The following RBM10 variants were observed in gnomAD, a reference collection of about 807,000 sequenced individuals.
The protein encoded by RBM10 is RNA binding motif protein 10.
A neutral mutation model predicts 84.9 loss-of-function variants in RBM10; 1 was observed. The observed-to-expected ratio is 0.01, with a 90% confidence interval of 0.00 to 0.06. RBM10 has a LOEUF of 0.06. RBM10 is among the 10% of genes least tolerant of loss of function. The pLI is 1.00. For missense variants in RBM10, 438 were observed against 839.0 expected (o/e 0.52, Z 5.90); for synonymous variants, 326 against 344.5 (o/e 0.95, Z 0.60).
At chrX:47,165,532 A>G (rs1934111927) in intron 2 of RBM10, among the ~76,000 whole-genome samples, 1 of 78,014 alleles carries the variant, frequency 1.3e-5, no homozygotes, top group African/African-American at 4.9e-5. Flanking sequence ...AAAAAAAAAA[A>G]AAGAGGCTGG....
intron 6 of RBM10, among the ~76,000 whole-genome samples, chrX:47,175,412 C>T (rs1935061131): frequency 9.0e-6 from 1 of 110,717 alleles, no homozygotes; most frequent in South Asian, 3.9e-4. Flanking sequence ...TTCCCACTCC[C>T]CCGGGGCTGG....
intron 3 of RBM10, among the ~76,000 whole-genome samples, chrX:47,170,789 C>G (rs1934588402): frequency 8.9e-6 from 1 of 112,258 alleles, no homozygotes; most frequent in African/African-American, 3.2e-5. Flanking sequence ...CACACCAATA[C>G]TGTCACCTAC....
At chrX:47,178,983 T>A in intron 7 of RBM10, 120 bp from the exon 8 acceptor site, 1 of 1,156,532 alleles carries the variant, frequency 8.6e-7, no homozygotes. Context: ...CCTGCCACCA[T>A]TGCCTAGGGG....
intron 2 of RBM10, chrX:47,158,055 C>A: frequency 5.5e-6 from 1 of 180,777 alleles, no homozygotes; most frequent in Non-Finnish European, 1.0e-5. Flanking sequence ...GGATTACAGG[C>A]GTGAGCCACC....
chrX:47,154,432 C>CTTTTT (rs55657679), intron 2 of RBM10, among the ~76,000 whole-genome samples: 2 of 100,012 alleles, frequency 2.0e-5, no homozygotes, highest in African/African-American at 3.7e-5. Context: ...ATTTTTTTTC[C>CTTTTT]TTTTTTTTTT....
At position 47,175,109 on chromosome X, in the gene RBM10, T is replaced by TGGGGGGGGGGGGGGGGGGG; in HGVS notation, c.576+18_576+19insGGGGGGGGGGGGGGGGGGG. ...GCCAATCAGGTTGCTTTGCCGCACT[T>TGGGGGGGGGGGGGGGGGGG]GAACCCCCCCCCAAACAAATACTAC... On this transcript the variant is annotated intron_variant, in intron 6 of 23. Transcript: ENST00000377604. 2 of 1,183,034 alleles carry TGGGGGGGGGGGGGGGGGGG rather than the reference T, an allele frequency of 1.7e-6. No individual in the cohort carries two copies. Among genetic ancestry groups the TGGGGGGGGGGGGGGGGGGG allele is most frequent in the African/African-American group, 1.8e-5 (1 of 56,309 alleles).
chrX:47,186,579 C>G lies in RBM10; in HGVS notation c.2773C>G (p.Arg925Gly). The change falls in exon 24 of 24, where the codon CGC becomes GGC. Residue 925 changes from arginine to glycine, a missense_variant. This residue lies in a region of RBM10 where 92 missense variants were observed against 199.9 expected (regional missense o/e 0.46). Coordinates refer to ENST00000377604, the MANE Select transcript of RBM10 (RefSeq NM_005676.5). ...KETLHKTMVT[R>G]FNEAQ ...GACACTGCACAAGACAATGGTGACCCGCTTCAACGAGGCCCAGTGAGCAGC... is the reference window on the plus strand; with the variant it reads ...GACACTGCACAAGACAATGGTGACCGGCTTCAACGAGGCCCAGTGAGCAGC... The G allele has an allele frequency of 8.3e-7, 1 of 1,211,749 alleles. No individual in the cohort carries two copies. The highest frequency in any genetic ancestry group is 1.1e-6 in the Non-Finnish European group (1 of 895,472).
chrX:47,145,653 T>C, intron 1 of RBM10, 168 bp downstream of exon 1: 1 of 487,681 alleles, frequency 2.1e-6, no homozygotes, highest in Non-Finnish European at 3.0e-6. Context: ...TTTTTTTTTT[T>C]TTTTTTTTTG....
At chrX:47,168,553 A>G (rs961659966) in intron 2 of RBM10, among the ~76,000 whole-genome samples, 2 of 111,383 alleles carry the variant, frequency 1.8e-5, no homozygotes. Context: ...TTCTCAAAAA[A>G]AAAAGAAAAG....
intron 2 of RBM10, among the ~76,000 whole-genome samples, chrX:47,159,396 G>C (rs782249303): frequency 6.6e-5 from 6 of 90,305 alleles, no homozygotes; most frequent in Non-Finnish European, 1.3e-4. Context: ...CAACAAGAGC[G>C]AAACTCCGTC....
chrX:47,178,516 A>C (rs922881302), intron 7 of RBM10, among the ~76,000 whole-genome samples: 2 of 112,123 alleles, frequency 1.8e-5, no homozygotes, highest in Admixed American at 1.9e-4. Context: ...GAGGGCAGAG[A>C]CCATGTTCTG....
intron 2 of RBM10, among the ~76,000 whole-genome samples, chrX:47,152,045 C>T (rs1932808380): frequency 9.0e-6 from 1 of 110,696 alleles, no homozygotes; most frequent in African/African-American, 3.3e-5. Context: ...AACCTCATTT[C>T]TACTAAAAAT....
intron 2 of RBM10, among the ~76,000 whole-genome samples, chrX:47,155,812 CTT>C (rs1304134924): frequency 3.7e-5 from 3 of 80,824 alleles, no homozygotes; most frequent in Non-Finnish European, 2.4e-5. Context: ...TTCTTTCTTT[CTT>C]TTTTTTTTTT....
At chrX:47,166,358 T>C (rs1934199811) in intron 2 of RBM10, among the ~76,000 whole-genome samples, 1 of 111,831 alleles carries the variant, frequency 8.9e-6, no homozygotes, top group Admixed American at 9.5e-5. Flanking sequence ...TAAGCTATGA[T>C]TGCACCACTG....
At chrX:47,183,524 A>AAT (rs1485477401) in intron 17 of RBM10, among the ~76,000 whole-genome samples, 4 of 107,845 alleles carry the variant, frequency 3.7e-5, no homozygotes, top group Non-Finnish European at 5.7e-5. Context: ...TCCTTCTCAA[A>AAT]ATATATATAT....
chrX:47,185,650 A>C lies in RBM10; in HGVS notation c.2355+20A>C, dbSNP rs1935851064. 2 of 1,206,918 alleles carry C rather than the reference A, an allele frequency of 1.7e-6. No individual in the cohort carries two copies. The highest frequency in any genetic ancestry group is 3.5e-5 in the African/African-American group (2 of 57,489). On this transcript the variant is annotated intron_variant, in intron 20 of 23. Transcript: ENST00000377604. ...CACAAGGTAACAGCGGATGGTTGGC[A>C]GGGCATGCTGGGGCCTGGCCCACTG...
At chrX:47,153,978 A>T (rs1349527323) in intron 2 of RBM10, among the ~76,000 whole-genome samples, 1 of 111,098 alleles carries the variant, frequency 9.0e-6, no homozygotes, top group African/African-American at 3.3e-5. Context: ...GGATTACCTG[A>T]GTCTGGGAGG....
intron 2 of RBM10, among the ~76,000 whole-genome samples, chrX:47,160,133 GCCT>G (rs1326655372): frequency 9.0e-6 from 1 of 110,844 alleles, no homozygotes; most frequent in Non-Finnish European, 1.9e-5. Flanking sequence ...GTGAAACTCT[GCCT>G]CAAAAAAAAA....
chrX:47,166,661 T>C (rs782106193), intron 2 of RBM10, among the ~76,000 whole-genome samples: 72 of 110,306 alleles, frequency 6.5e-4, no homozygotes, highest in Non-Finnish European at 1.0e-3. Flanking sequence ...ATGGTGGTTT[T>C]GTAAAGACGG....
Sources: gnomAD v4.1 joint callset for allele counts (sites outside exome capture counted in the v4.1 genomes callset) on GRCh38, gnomAD v4.1.1 for gene constraint, gnomAD v4.1.1 regional missense constraint, MANE v1.5 for transcripts, NCBI Gene and HGNC (gene_info 2026-07-23, HGNC 2026-07-21) for gene names.